The following LYVE1 variants were observed in gnomAD, a reference collection of about 807,000 sequenced individuals.
LYVE1 encodes lymphatic vessel endothelial hyaluronic acid receptor 1.
LYVE1 carries 29 observed loss-of-function variants against 31.5 expected under a neutral mutation model. That is an observed-to-expected ratio of 0.92 (90% confidence interval 0.69 to 1.26). The LOEUF is 1.26. Among genes scored for constraint, LYVE1 ranks in the 50% most tolerant of loss-of-function variants. The pLI, the probability that LYVE1 is intolerant of heterozygous loss-of-function variation, is 0.00. For synonymous variants in LYVE1, 134 were observed against 139.4 expected (o/e 0.96, Z 0.27); for missense variants, 376 against 380.2 (o/e 0.99, Z 0.09).
intron 1 of LYVE1, among the ~76,000 whole-genome samples, chr11:10,567,459 G>C (rs899523798): frequency 6.6e-6 from 1 of 152,182 alleles, no homozygotes; most frequent in African/African-American, 2.4e-5. Flanking sequence ...AAACTTATTT[G>C]AAAGTAACAG....
Position 10,558,474 on chromosome 11 carries a change from C to T in LYVE1, c.*637G>A, listed in dbSNP as rs985538997. The T allele has an allele frequency of 1.3e-5, 2 of 152,192 alleles. No individual in the cohort carries two copies. Among genetic ancestry groups the T allele is most frequent in the African/African-American group, 4.8e-5 (2 of 41,440 alleles). The allele number at this position is 152,192 out of a possible 1,614,324, so 9.4% of individuals were successfully genotyped here. On this transcript the variant is annotated 3_prime_UTR_variant, in exon 6 of 6. Coordinates refer to ENST00000256178, the MANE Select transcript of LYVE1 (RefSeq NM_006691.4). ...AATGTGTTCAGAGAAAACACTTTGA[C>T]CCTGTCTGTGTTTACAGTCCCTGCT...
intron 5 of LYVE1, among the ~76,000 whole-genome samples, chr11:10,559,578 C>T (rs993010990): frequency 1.3e-5 from 2 of 152,014 alleles, no homozygotes; most frequent in African/African-American, 4.8e-5. Context: ...CCCCAGATGT[C>T]AATTTTTTTT....
chr11:10,568,608 A>C lies in LYVE1; in HGVS notation c.-76T>G. ...TATGAGAGGCAGATGCTCAATAACT[A>C]GTCCGGATGGAGAGTTCTGGAACTA... On this transcript the variant is annotated 5_prime_UTR_variant, in exon 1 of 6. It removes the in-frame stop codon of an upstream open reading frame in the 5' UTR. Coordinates refer to ENST00000256178, the MANE Select transcript of LYVE1 (RefSeq NM_006691.4). The C allele has an allele frequency of 6.5e-7, 1 of 1,537,668 alleles. No homozygotes were observed. Among genetic ancestry groups the C allele is most frequent in the Non-Finnish European group, 8.8e-7 (1 of 1,137,238 alleles).
chr11:10,562,699 C>T (rs1172227936), intron 3 of LYVE1, among the ~76,000 whole-genome samples: 1 of 152,142 alleles, frequency 6.6e-6, no homozygotes, highest in Non-Finnish European at 1.5e-5. Context: ...TTAGGTGAAG[C>T]ACTTGGGCTA....
At position 10,557,874 on chromosome 11, in the gene LYVE1, C is replaced by G. The variant is rs1337906069; in HGVS notation, c.*1237G>C. 6.6e-6 allele frequency: 1 copy of G among 152,166 alleles called. No homozygotes were observed. The highest frequency in any genetic ancestry group is 1.5e-5 in the Non-Finnish European group (1 of 68,038). The allele number at this position is 152,166 out of a possible 1,614,324, so 9.4% of individuals were successfully genotyped here. ...GTAAATAAGAAAGCAAAGAAGTTTT[C>G]TAAATGCTTTAATTTTTTGTCACAA... is the stretch of plus-strand genomic sequence containing the variant. On this transcript the variant is annotated 3_prime_UTR_variant, in exon 6 of 6. Coordinates refer to ENST00000256178, the MANE Select transcript of LYVE1 (RefSeq NM_006691.4).
chr11:10,559,426 A>G (rs1215483682), intron 5 of LYVE1, 129 bp from the exon 6 acceptor site: 13 of 659,810 alleles, frequency 2.0e-5, no homozygotes, highest in Non-Finnish European at 3.4e-5. Context: ...CAGCACATGC[A>G]TGCTCTAATA....
intron 1 of LYVE1, 92 bp downstream of exon 1, chr11:10,568,356 G>A (rs1032752743): frequency 7.6e-7 from 1 of 1,311,174 alleles, no homozygotes; most frequent in Non-Finnish European, 1.1e-6. Flanking sequence ...GACACTGAGG[G>A]TCACCCTCAT....
At chr11:10,562,988 C>G (rs1850461696) in intron 3 of LYVE1, among the ~76,000 whole-genome samples, 1 of 118,574 alleles carries the variant, frequency 8.4e-6, no homozygotes, top group Non-Finnish European at 1.6e-5. Flanking sequence ...GAGTCTCACT[C>G]TGTCGCCCAG....
intron 1 of LYVE1, among the ~76,000 whole-genome samples, chr11:10,566,627 T>C (rs1443157213): frequency 2.0e-5 from 3 of 152,192 alleles, no homozygotes; most frequent in African/African-American, 7.2e-5. Flanking sequence ...ACATTATCAA[T>C]TGGTCTTACT....
Position 10,559,213 on chromosome 11 carries a change from A to T in LYVE1, c.867T>A (p.Asn289Lys). Reference sequence around the variant, plus strand: ...TTGATTCCTCATTAGGGTTGCTATCATTGGCCTTCTCCTCCTTTACTACTT... The same window carrying T: ...TTGATTCCTCATTAGGGTTGCTATCTTTGGCCTTCTCCTCCTTTACTACTT... The part of the protein sequence containing the change: ...ETKVVKEEKA[N>K]DSNPNEESKK... The change falls in exon 6 of 6, where the codon AAT becomes AAA. Residue 289 changes from asparagine to lysine, a missense_variant. By Grantham distance (94) the Asn-to-Lys change is moderately conservative. Transcript: ENST00000256178. 6.2e-7 allele frequency: 1 copy of T among 1,614,102 alleles called. No individual in the cohort carries two copies. Among genetic ancestry groups the T allele is most frequent in the Middle Eastern group, 1.6e-4 (1 of 6,062 alleles).
At chr11:10,564,439 T>G in intron 1 of LYVE1, 65 bp from the exon 2 acceptor site, 1 of 1,477,922 alleles carries the variant, frequency 6.8e-7, no homozygotes, top group South Asian at 1.2e-5. Flanking sequence ...TAGACTCTCC[T>G]TCCCAGCAGA....
In LYVE1 at chr11:10,560,357, A is replaced by G. The variant is rs188031540; in HGVS notation, c.703+138T>C. 435 of 711,514 alleles carry G rather than the reference A, an allele frequency of 6.1e-4. 1 individual carries two copies. Among genetic ancestry groups the G allele is most frequent in the Non-Finnish European group, 9.0e-4 (399 of 445,786 alleles). 44.1% of individuals were successfully genotyped at this position (711,514 alleles called of 1,614,324 possible). A position where few individuals can be genotyped will look rare whatever the true frequency, so the allele number is the denominator to read the frequency against. ...AGCTCTCAGATTCTATGACTTCATG[A>G]AAGTTGAGTTTGTGTTAAGCTTTTA... On this transcript the variant is annotated intron_variant, in intron 4 of 5. Coordinates refer to ENST00000256178, the MANE Select transcript of LYVE1 (RefSeq NM_006691.4).
intron 1 of LYVE1, among the ~76,000 whole-genome samples, chr11:10,564,641 T>C (rs570056199): frequency 6.6e-6 from 1 of 152,204 alleles, no homozygotes; most frequent in Non-Finnish European, 1.5e-5. Flanking sequence ...GCTCACCATA[T>C]AGGGGCTTTG....
At chr11:10,560,882 A>T (rs571868824) in intron 3 of LYVE1, 82 bp from the exon 4 acceptor site, 1 of 1,118,006 alleles carries the variant, frequency 8.9e-7, no homozygotes, top group African/African-American at 1.6e-5. Flanking sequence ...TACTACCTCC[A>T]AACCCCTTAT....
rs751820193 is a variant in LYVE1, at chr11:10,559,224, C to T, written c.856G>A (p.Glu286Lys). Residue 286 changes from glutamate to lysine, a missense_variant, in exon 6 of 6, where the codon GAG becomes AAG. Glu to Lys is a moderately conservative substitution (Grantham distance 56, BLOSUM62 1). Transcript: ENST00000256178. ...EMIETKVVKEEKANDSNPNEE... is the reference protein window; with the variant it reads ...EMIETKVVKEKKANDSNPNEE... ...TTAGGGTTGCTATCATTGGCCTTCT[C>T]CTCCTTTACTACTTTGGTTTCGATC... 6 of 1,614,086 alleles carry T rather than the reference C, an allele frequency of 3.7e-6. No homozygotes were observed. The highest frequency in any genetic ancestry group is 5.1e-6 in the Non-Finnish European group (6 of 1,179,966).
At chr11:10,566,518 G>GTT (rs1217889660) in intron 1 of LYVE1, among the ~76,000 whole-genome samples, 10 of 152,064 alleles carry the variant, frequency 6.6e-5, no homozygotes, top group Non-Finnish European at 1.3e-4. Context: ...TGAACACACC[G>GTT]TTTGCTCTGA....
Position 10,560,570 on chromosome 11 carries a change from T to C in LYVE1, c.628A>G (p.Ser210Gly). The change falls in exon 4 of 6, where the codon AGC becomes GGC. Residue 210 changes from serine to glycine, a missense_variant. Coordinates refer to ENST00000256178, the MANE Select transcript of LYVE1 (RefSeq NM_006691.4). ...ICVTEVFMET[S>G]TMSTETEPFV... ...GGTTCAGTTTCTGTAGACATGGTGC[T>C]AGTTTCCATAAAAACTTCTGTGACA... 6.2e-7 allele frequency: 1 copy of C among 1,614,132 alleles called. No individual in the cohort carries two copies. Among genetic ancestry groups the C allele is most frequent in the Non-Finnish European group, 8.5e-7 (1 of 1,179,986 alleles).
chr11:10,564,158 T>C, intron 2 of LYVE1, 45 bp downstream of exon 2: 1 of 1,613,990 alleles, frequency 6.2e-7, no homozygotes, highest in Non-Finnish European at 8.5e-7. Context: ...AACACAGAGC[T>C]AAAAAAGAAC....
In LYVE1 at chr11:10,558,521, C is replaced by T. The variant is rs537541878; in HGVS notation, c.*590G>A. ...TGCTGACAGTGTACTGTCGTATCCT[C>T]AGCCTTGTTCTATTTCTTTATTTTA... is the stretch of plus-strand genomic sequence containing the variant. On this transcript the variant is annotated 3_prime_UTR_variant, in exon 6 of 6. Transcript: ENST00000256178. The T allele has an allele frequency of 6.6e-6, 1 of 152,412 alleles. No individual in the cohort carries two copies. The highest frequency in any genetic ancestry group is 2.1e-4 in the South Asian group (1 of 4,832). The allele number at this position is 152,412 out of a possible 1,614,324, so 9.4% of individuals were successfully genotyped here.
Sources: gnomAD v4.1 joint callset for allele counts (sites outside exome capture counted in the v4.1 genomes callset) on GRCh38, gnomAD v4.1.1 for gene constraint, MANE v1.5 for transcripts, NCBI Gene and HGNC (gene_info 2026-07-23, HGNC 2026-07-21) for gene names.